The following ORMDL1 variants were observed in gnomAD, a reference collection of about 807,000 sequenced individuals.
ORMDL1 encodes the protein ORMDL sphingolipid biosynthesis regulator 1.
A neutral mutation model predicts 13.0 loss-of-function variants in ORMDL1; 10 were observed. The ratio of observed to expected loss-of-function variants is 0.77; its 90% CI spans 0.47 to 1.30. The LOEUF (loss-of-function observed/expected upper bound fraction) is 1.30, where lower values mean the gene tolerates loss of function less well. ORMDL1 is among the 50% of genes most tolerant of loss of function. The pLI, the probability that ORMDL1 is intolerant of heterozygous loss-of-function variation, is 0.00. For synonymous variants in ORMDL1, 61 were observed against 63.9 expected (o/e 0.95, Z 0.22); for missense variants, 171 against 186.7 (o/e 0.92, Z 0.49).
chr2:189,779,388 G>A (rs2047771026), intron 3 of ORMDL1, among the ~76,000 whole-genome samples: 1 of 152,186 alleles, frequency 6.6e-6, no homozygotes, highest in African/African-American at 2.4e-5. Context: ...GCTAAGGTGG[G>A]AGGAGCTATG....
intron 3 of ORMDL1, among the ~76,000 whole-genome samples, chr2:189,776,643 TATG>T (rs1014859272): frequency 1.3e-5 from 2 of 152,186 alleles, no homozygotes. Context: ...TGAAATTTTA[TATG>T]ATACCAACTT....
At chr2:189,766,542 AC>A (rs746907001), downstream of ORMDL1, among the ~76,000 whole-genome samples, 2 of 152,130 alleles carry the variant, frequency 1.3e-5, no homozygotes, top group Non-Finnish European at 2.9e-5. Flanking sequence ...AGCCTGGCCA[AC>A]ATGATGGCCA....
Position 189,771,774 on chromosome 2 carries a change from T to G in ORMDL1, c.455A>C (p.Lys152Thr), listed in dbSNP as rs749167046. Residue 152 changes from lysine (K) to threonine (T), a missense_variant, in exon 5 of 5, where the codon AAG (lysine) becomes ACG (threonine). Coordinates refer to ENST00000392349, the MANE Select transcript of ORMDL1 (RefSeq NM_016467.5). ...TTTCAGTTTCAAAACATTTCAATACTTATTAATTCCAAAGATCCGAACACC... is the reference window on the plus strand; with the variant it reads ...TTTCAGTTTCAAAACATTTCAATACGTATTAATTCCAAAGATCCGAACACC... ...LHGVRIFGIN[K>T]Y is the part of the protein sequence containing the mutation. 2 of 1,591,200 alleles carry G rather than the reference T, an allele frequency of 1.3e-6. No homozygotes were observed. Among genetic ancestry groups the G allele is most frequent in the Non-Finnish European group, 1.7e-6 (2 of 1,173,746 alleles).
At chr2:189,775,442 C>T (rs2047672371) in intron 4 of ORMDL1, 123 bp downstream of exon 4, 1 of 1,055,354 alleles carries the variant, frequency 9.5e-7, no homozygotes, top group African/African-American at 1.6e-5. Flanking sequence ...TATGTTCTAT[C>T]CGAGGTGCTA....
chr2:189,777,195 A>G (rs1036108852), intron 3 of ORMDL1, among the ~76,000 whole-genome samples: 1 of 152,190 alleles, frequency 6.6e-6, no homozygotes, highest in Non-Finnish European at 1.5e-5. Context: ...TTGTTTTCCC[A>G]TTAGCCTGAA....
At chr2:189,776,615 A>G (rs1183893050) in intron 3 of ORMDL1, among the ~76,000 whole-genome samples, 1 of 152,162 alleles carries the variant, frequency 6.6e-6, no homozygotes, top group African/African-American at 2.4e-5. Flanking sequence ...TAATGATTAT[A>G]TAGAAAAATT....
intron 4 of ORMDL1, among the ~76,000 whole-genome samples, chr2:189,772,221 G>T (rs748816637): frequency 6.6e-5 from 10 of 152,078 alleles, no homozygotes; most frequent in Admixed American, 4.6e-4. Flanking sequence ...GTGTAGTTCT[G>T]TATTTCCATG....
At chr2:189,766,042 G>A (rs2047478472), downstream of ORMDL1, among the ~76,000 whole-genome samples, 1 of 151,676 alleles carries the variant, frequency 6.6e-6, no homozygotes, top group Non-Finnish European at 1.5e-5. Context: ...GGCCAGGATG[G>A]TCTCCATCTC....
chr2:189,783,862 A>G (rs990064231), intron 1 of ORMDL1, among the ~76,000 whole-genome samples: 51 of 152,152 alleles, frequency 3.4e-4, no homozygotes, highest in Non-Finnish European at 3.8e-4. Flanking sequence ...CGACTGGCAA[A>G]CAATGACCTT....
intron 3 of ORMDL1, among the ~76,000 whole-genome samples, chr2:189,777,201 C>T (rs2047717943): frequency 6.6e-6 from 1 of 152,112 alleles, no homozygotes. Context: ...TCCCATTAGC[C>T]TGAATACACT....
rs1574973662 is a variant in ORMDL1 at position 189,782,800 on chromosome 2, G to A, written c.-7-198C>T. 11 of 494,332 alleles carry A rather than the reference G, an allele frequency of 2.2e-5. No individual in the cohort carries two copies. In the East Asian group the frequency reaches 3.3e-4, roughly 15 times the overall value. The allele number at this position is 494,332 out of a possible 1,614,324, so 30.6% of individuals were successfully genotyped here. Reference sequence around the variant, plus strand: ...AGAATCTTCAGCATTTGACTTTAGGGTAAGACAAGACTTGTTATTATGGTT... The same window carrying A: ...AGAATCTTCAGCATTTGACTTTAGGATAAGACAAGACTTGTTATTATGGTT... On this transcript the variant is annotated intron_variant, in intron 2 of 4. Transcript: ENST00000392349.
chr2:189,767,694 C>T (rs576113558), downstream of ORMDL1, among the ~76,000 whole-genome samples: 47 of 152,270 alleles, frequency 3.1e-4, no homozygotes, highest in Non-Finnish European at 5.3e-4. Context: ...TGATAAACTG[C>T]CTTATCTGCT....
chr2:189,772,833 G>A (rs747655706), intron 4 of ORMDL1, among the ~76,000 whole-genome samples: 4 of 152,162 alleles, frequency 2.6e-5, no homozygotes, highest in Non-Finnish European at 4.4e-5. Flanking sequence ...GAAGAGAGGA[G>A]CTACTTCCAA....
At position 189,781,999 on chromosome 2, in the gene ORMDL1, G is replaced by C. The variant is rs550923577; in HGVS notation, c.174+423C>G. ...ACTCTGTCACCTAGGCTGGAGTACA[G>C]TGGAATGATCTCGGCTCATTGCAAC... On this transcript the variant is annotated intron_variant, in intron 3 of 4. Transcript: ENST00000392349. Among the ~76,000 whole-genome samples, 7 of 150,700 alleles carry C rather than the reference G, an allele frequency of 4.6e-5. No homozygotes were observed. In the South Asian group the frequency reaches 6.3e-4, roughly 13 times the overall value.
chr2:189,772,667 T>G (rs1392079029), intron 4 of ORMDL1, among the ~76,000 whole-genome samples: 1 of 152,208 alleles, frequency 6.6e-6, no homozygotes, highest in East Asian at 1.9e-4. Flanking sequence ...ATAATACAGA[T>G]AAGATGTAAA....
downstream of ORMDL1, among the ~76,000 whole-genome samples, chr2:189,769,848 C>T (rs2047542394): frequency 6.6e-6 from 1 of 152,160 alleles, no homozygotes; most frequent in Admixed American, 6.5e-5. Flanking sequence ...CCAATGAATG[C>T]TAAAATTTGT....
chr2:189,775,589 A>C lies in ORMDL1; in HGVS notation c.302T>G (p.Phe101Cys), dbSNP rs751680227. The change falls in exon 4 of 5, where the codon TTT becomes TGT. Residue 101 changes from phenylalanine (F) to cysteine (C), a missense_variant. Phe to Cys is a radical substitution (Grantham distance 205). Coordinates refer to ENST00000392349, the MANE Select transcript of ORMDL1 (RefSeq NM_016467.5). ...CAGAATTATTGGAGAAATTGTGAAA[A>C]ACTTCCGTGAAGATGTAAACTGTAC... The part of the protein sequence containing the change: ...YGVQFTSSRK[F>C]FTISPIILYF... 1 of 1,601,796 alleles carries C rather than the reference A, an allele frequency of 6.2e-7. No homozygotes were observed. Among genetic ancestry groups the C allele is most frequent in the Non-Finnish European group, 8.5e-7 (1 of 1,174,742 alleles).
At chr2:189,766,659 C>T (rs1260327804), downstream of ORMDL1, among the ~76,000 whole-genome samples, 2 of 151,740 alleles carry the variant, frequency 1.3e-5, no homozygotes, top group Non-Finnish European at 2.9e-5. Flanking sequence ...GGGAGGCAGA[C>T]GTTGCAGTGA....
At chr2:189,766,335 CAAAGGAA>C (rs2047482524), downstream of ORMDL1, among the ~76,000 whole-genome samples, 1 of 152,130 alleles carries the variant, frequency 6.6e-6, no homozygotes, top group Admixed American at 6.5e-5. Context: ...TTTTTAAGTT[CAAAGGAA>C]CTAAGTACAT....
Sources: gnomAD v4.1 joint callset for allele counts (sites outside exome capture counted in the v4.1 genomes callset) on GRCh38, gnomAD v4.1.1 for gene constraint, MANE v1.5 for transcripts, NCBI Gene and HGNC (gene_info 2026-07-23, HGNC 2026-07-21) for gene names.